Variants in DCC observed in about 807,000 individuals in gnomAD.
DCC encodes netrin receptor DCC.
In DCC, 58 loss-of-function variants were observed where a neutral mutation model predicts 172.5. That is an observed-to-expected ratio of 0.34 (90% confidence interval 0.27 to 0.42). The LOEUF (loss-of-function observed/expected upper bound fraction) is 0.42, where lower values mean the gene tolerates loss of function less well. DCC is among the 10% of genes least tolerant of loss of function. The probability of loss-of-function intolerance (pLI) is 1.00; values close to 1 mark genes in which losing one functional copy is unlikely to be tolerated. For synonymous variants in DCC, 709 were observed against 644.5 expected, an observed-to-expected ratio of 1.10 and a Z score of -1.52; for missense variants, 1,740 against 1,791.0, an observed-to-expected ratio of 0.97 and a Z score of 0.51.
At chr18:52,998,513 C>T (rs2041518511) in intron 5 of DCC, among the ~76,000 whole-genome samples, 1 of 151,972 alleles carries the variant, frequency 6.6e-6, no homozygotes, top group Non-Finnish European at 1.5e-5. Flanking sequence ...GAGCTCAGGC[C>T]CCAAAATCTT....
At chr18:52,848,192 T>C (rs1320321581) in intron 2 of DCC, among the ~76,000 whole-genome samples, 1 of 151,706 alleles carries the variant, frequency 6.6e-6, no homozygotes, top group Non-Finnish European at 1.5e-5. Flanking sequence ...TTCGATAGAT[T>C]CTCCTGCCCC....
At chr18:52,961,638 G>T (rs1341664564) in intron 5 of DCC, among the ~76,000 whole-genome samples, 1 of 152,156 alleles carries the variant, frequency 6.6e-6, no homozygotes, top group Non-Finnish European at 1.5e-5. Context: ...TGATGCATTT[G>T]TATGGCTTAA....
intron 25 of DCC, among the ~76,000 whole-genome samples, chr18:53,472,489 CT>C (rs2045709442): frequency 6.6e-6 from 1 of 152,188 alleles, no homozygotes; most frequent in African/African-American, 2.4e-5. Flanking sequence ...TAAGTTCTAT[CT>C]GTGCCAATCA....
At chr18:52,990,229 G>C (rs2041362665) in intron 5 of DCC, among the ~76,000 whole-genome samples, 1 of 152,064 alleles carries the variant, frequency 6.6e-6, no homozygotes, top group South Asian at 2.1e-4. Flanking sequence ...TCCTAGATAA[G>C]ATAGTTAACA....
chr18:52,914,530 T>C (rs1042065005), intron 3 of DCC, among the ~76,000 whole-genome samples: 4 of 127,858 alleles, frequency 3.1e-5, no homozygotes, highest in Admixed American at 1.5e-4. Flanking sequence ...GGCTTCTTTC[T>C]CCCTCCATGT....
intron 9 of DCC, among the ~76,000 whole-genome samples, chr18:53,195,792 T>C (rs2055434883): frequency 6.6e-6 from 1 of 152,222 alleles, no homozygotes; most frequent in Non-Finnish European, 1.5e-5. Context: ...TCATCCCAGA[T>C]TCCTATGTAT....
intron 1 of DCC, among the ~76,000 whole-genome samples, chr18:52,495,565 T>C (rs1025140978): frequency 3.3e-5 from 5 of 152,126 alleles, no homozygotes; most frequent in African/African-American, 1.2e-4. Flanking sequence ...TACTTCCTAC[T>C]TTTCTAGTTC....
At chr18:53,011,396 CTCA>C (rs1286420867) in intron 5 of DCC, among the ~76,000 whole-genome samples, 1 of 151,408 alleles carries the variant, frequency 6.6e-6, no homozygotes, top group Non-Finnish European at 1.5e-5. Context: ...TATTTTCCTC[CTCA>C]TATTTAAATT....
intron 5 of DCC, among the ~76,000 whole-genome samples, chr18:53,061,059 T>C (rs2042488600): frequency 6.6e-6 from 1 of 152,178 alleles, no homozygotes; most frequent in African/African-American, 2.4e-5. Flanking sequence ...AATATATTTT[T>C]GCATTTATTT....
At chr18:52,511,235 G>A (rs1488041620) in intron 1 of DCC, among the ~76,000 whole-genome samples, 1 of 145,116 alleles carries the variant, frequency 6.9e-6, no homozygotes, top group Admixed American at 7.1e-5. Flanking sequence ...GAGCTGAGAT[G>A]GCCCCACTGC....
chr18:53,279,088 T>C (rs952165239), intron 12 of DCC, among the ~76,000 whole-genome samples: 1 of 152,202 alleles, frequency 6.6e-6, no homozygotes, highest in Non-Finnish European at 1.5e-5. Flanking sequence ...TTCCTGGCTT[T>C]TCAATGATCG....
intron 1 of DCC, among the ~76,000 whole-genome samples, chr18:52,527,795 T>C (rs912090513): frequency 6.6e-6 from 1 of 152,186 alleles, no homozygotes; most frequent in Admixed American, 6.5e-5. Flanking sequence ...AAGAAGAAAA[T>C]GAAATTACTA....
chr18:52,806,439 C>G lies in DCC; in HGVS notation c.412+54065C>G, dbSNP rs555057856. On this transcript the variant is annotated intron_variant, in intron 2 of 28. Coordinates refer to ENST00000442544, the MANE Select transcript of DCC (RefSeq NM_005215.4). ...GTGTTACCATCAAGCCAGTGCTCACCAAAATAGGGTCTTTACCTTTTTAGT... is the reference window on the plus strand; with the variant it reads ...GTGTTACCATCAAGCCAGTGCTCACGAAAATAGGGTCTTTACCTTTTTAGT... 4.6e-5 allele frequency among the ~76,000 whole-genome samples: 7 copies of G among 152,282 alleles called. No homozygotes were observed. In the East Asian group the frequency reaches 7.7e-4, roughly 17 times the overall value.
chr18:52,677,410 A>G lies in DCC; in HGVS notation c.92-74644A>G, dbSNP rs373047063. Among the ~76,000 whole-genome samples the G allele has an allele frequency of 5.3e-5, 8 of 152,242 alleles. No individual in the cohort carries two copies. In the East Asian group the frequency reaches 7.7e-4, roughly 15 times the overall value. On this transcript the variant is annotated intron_variant, in intron 1 of 28. Transcript: ENST00000442544. ...ACTTGAAAAAATTTTCAGGGATCAC[A>G]CAGTAGTAAAAATTACTATAGCAGA...
intron 1 of DCC, among the ~76,000 whole-genome samples, chr18:52,493,565 A>C (rs1168853690): frequency 6.6e-6 from 1 of 151,658 alleles, no homozygotes; most frequent in Non-Finnish European, 1.5e-5. Context: ...TGTGTCCTTA[A>C]TGTTATATTG....
chr18:53,516,087 G>C (rs918847120), intron 27 of DCC, among the ~76,000 whole-genome samples: 105 of 146,228 alleles, frequency 7.2e-4, no homozygotes, highest in Non-Finnish European at 1.2e-3. Context: ...GGATGGTACT[G>C]GTACCAAAAC....
chr18:52,922,488 C>G (rs1435565864), intron 3 of DCC, among the ~76,000 whole-genome samples: 1 of 152,120 alleles, frequency 6.6e-6, no homozygotes, highest in Non-Finnish European at 1.5e-5. Context: ...TCTCCTCACC[C>G]CGATCCTAGT....
chr18:52,415,590 A>C (rs1986993192), intron 1 of DCC, among the ~76,000 whole-genome samples: 1 of 152,172 alleles, frequency 6.6e-6, no homozygotes, highest in Non-Finnish European at 1.5e-5. Flanking sequence ...TGGAAAGTGC[A>C]TAAGGCTGAG....
intron 26 of DCC, among the ~76,000 whole-genome samples, chr18:53,489,970 A>G (rs1188436857): frequency 6.6e-6 from 1 of 152,156 alleles, no homozygotes; most frequent in Non-Finnish European, 1.5e-5. Context: ...CATTTCTACA[A>G]ATCAGTACAA....
Sources: gnomAD v4.1 joint callset for allele counts (sites outside exome capture counted in the v4.1 genomes callset) on GRCh38, gnomAD v4.1.1 for gene constraint, MANE v1.5 for transcripts, NCBI Gene and HGNC (gene_info 2026-07-23, HGNC 2026-07-21) for gene names.